CFAP53: variants seen among roughly 807,000 people sequenced by gnomAD.
The protein encoded by CFAP53 is cilia- and flagella-associated protein 53.
A neutral mutation model predicts 59.7 loss-of-function variants in CFAP53; 62 were observed. That is an observed-to-expected ratio of 1.04 (90% CI 0.85 to 1.28). The LOEUF (loss-of-function observed/expected upper bound fraction) is 1.28, where lower values mean the gene tolerates loss of function less well. Ranked by LOEUF, CFAP53 falls within the 50% of genes most tolerant of loss-of-function variation. CFAP53 has a pLI of 0.00. For missense variants in CFAP53, 629 were observed against 615.6 expected (o/e 1.02, Z -0.23); for synonymous variants, 218 against 205.7 (o/e 1.06, Z -0.51).
At chr18:50,258,694 A>C (rs189806375) in intron 3 of CFAP53, among the ~76,000 whole-genome samples, 1 of 152,376 alleles carries the variant, frequency 6.6e-6, no homozygotes, top group Admixed American at 6.5e-5. Flanking sequence ...AAATATTTGC[A>C]AACTATCCCT....
chr18:50,231,154 T>C (rs923282221), intron 7 of CFAP53, among the ~76,000 whole-genome samples: 1 of 152,228 alleles, frequency 6.6e-6, no homozygotes, highest in African/African-American at 2.4e-5. Flanking sequence ...AGCTCCCTGC[T>C]ACCTTGGTGT....
At chr18:50,264,987 G>A (rs2033925803) in intron 1 of CFAP53, among the ~76,000 whole-genome samples, 1 of 152,166 alleles carries the variant, frequency 6.6e-6, no homozygotes, top group Non-Finnish European at 1.5e-5. Context: ...AGAAGGAGCA[G>A]GTCTATAGGT....
rs986896529 is a variant in CFAP53, at chr18:50,251,560, C to T, written c.698G>A (p.Gly233Glu). Residue 233 changes from glycine to glutamate, a missense_variant, in exon 4 of 8, where the codon GGG becomes GAG. Gly to Glu is a moderately conservative substitution (Grantham distance 98). Coordinates refer to ENST00000398545, the MANE Select transcript of CFAP53 (RefSeq NM_145020.5). ...GATGCTGGTGATCTGGGCATTCAGC[C>T]CCAGGCGTGTGTTCTCCATCAGCTC... ...QKELMENTRL[G>E]LNAQITSIKA... 6.2e-7 allele frequency: 1 copy of T among 1,614,088 alleles called. No individual in the cohort carries two copies. The highest frequency in any genetic ancestry group is 2.2e-5 in the East Asian group (1 of 44,890).
chr18:50,228,529 G>A (rs1273219769), intron 7 of CFAP53, among the ~76,000 whole-genome samples: 1 of 152,028 alleles, frequency 6.6e-6, no homozygotes, highest in Non-Finnish European at 1.5e-5. Context: ...GGTGGCTCAT[G>A]CATGTAATCC....
At chr18:50,259,250 C>T (rs1291873041) in intron 3 of CFAP53, among the ~76,000 whole-genome samples, 1 of 152,114 alleles carries the variant, frequency 6.6e-6, no homozygotes, top group Non-Finnish European at 1.5e-5. Context: ...TACACATGCA[C>T]AATGGAGTAT....
chr18:50,258,560 A>T (rs2033864996), intron 3 of CFAP53, among the ~76,000 whole-genome samples: 1 of 152,214 alleles, frequency 6.6e-6, no homozygotes, highest in African/African-American at 2.4e-5. Flanking sequence ...TTTCTTGAGC[A>T]ATACCCTATA....
intron 6 of CFAP53, among the ~76,000 whole-genome samples, chr18:50,242,012 C>T (rs908640512): frequency 3.9e-5 from 6 of 152,154 alleles, no homozygotes; most frequent in African/African-American, 1.2e-4. Context: ...AGACCTACCC[C>T]CAGGAATGCA....
chr18:50,228,588 C>T (rs145066058), intron 7 of CFAP53, among the ~76,000 whole-genome samples: 12,395 of 151,646 alleles, frequency 0.082, 622 homozygotes, highest in Middle Eastern at 0.11. Flanking sequence ...GTCAGGAGTT[C>T]GAGACCAGCC....
At chr18:50,243,381 C>T (rs2033712312) in intron 5 of CFAP53, among the ~76,000 whole-genome samples, 1 of 152,108 alleles carries the variant, frequency 6.6e-6, no homozygotes, top group Admixed American at 6.6e-5. Flanking sequence ...TTGTGCAATT[C>T]TTTGTATTTG....
At position 50,235,315 on chromosome 18, in the gene CFAP53, C is replaced by T. The variant is rs1355791932; in HGVS notation, c.1316+3288G>A. Among the ~76,000 whole-genome samples the T allele has an allele frequency of 2.0e-5, 3 of 152,256 alleles. No individual in the cohort carries two copies. In the East Asian group the frequency reaches 5.8e-4, roughly 29 times the overall value. On this transcript the variant is annotated intron_variant, in intron 7 of 7. Coordinates refer to ENST00000398545, the MANE Select transcript of CFAP53 (RefSeq NM_145020.5). ...GTGCGGTGGCTCACACCTGTAATCC[C>T]AGCACTTTGGGAGGCTGAGGCAGGT...
At chr18:50,240,614 T>C (rs1207045893) in intron 6 of CFAP53, among the ~76,000 whole-genome samples, 1 of 152,224 alleles carries the variant, frequency 6.6e-6, no homozygotes, top group African/African-American at 2.4e-5. Context: ...TGCTGAGAGA[T>C]CATCTCTCTC....
chr18:50,264,157 C>T (rs529235776), intron 1 of CFAP53, among the ~76,000 whole-genome samples: 11 of 152,286 alleles, frequency 7.2e-5, no homozygotes, highest in African/African-American at 2.6e-4. Context: ...ACTCTAGGCA[C>T]ATTTCAAGTG....
chr18:50,260,233 T>C (rs2033878571), intron 3 of CFAP53, among the ~76,000 whole-genome samples: 1 of 151,748 alleles, frequency 6.6e-6, no homozygotes, highest in South Asian at 2.1e-4. Flanking sequence ...CCAGATTGAG[T>C]AGATTGAGTA....
At chr18:50,265,161 T>G (rs2033932154) in intron 1 of CFAP53, among the ~76,000 whole-genome samples, 2 of 152,186 alleles carry the variant, frequency 1.3e-5, no homozygotes. Context: ...GATTACAAGT[T>G]GAGCACCCCT....
chr18:50,253,827 G>A (rs2144426301), intron 3 of CFAP53, among the ~76,000 whole-genome samples: 1 of 152,158 alleles, frequency 6.6e-6, no homozygotes, highest in Admixed American at 6.5e-5. Flanking sequence ...GCCAGCAACT[G>A]ACAGAGGCAA....
intron 3 of CFAP53, among the ~76,000 whole-genome samples, chr18:50,259,075 T>A (rs1279877165): frequency 6.6e-6 from 1 of 152,184 alleles, no homozygotes. Context: ...AGAGCTACCA[T>A]AAGATCCAGC....
chr18:50,229,940 T>C (rs2033563655), intron 7 of CFAP53, among the ~76,000 whole-genome samples: 1 of 152,024 alleles, frequency 6.6e-6, no homozygotes, highest in Non-Finnish European at 1.5e-5. Context: ...TGTATTTTTT[T>C]AGAGACAGAG....
chr18:50,255,099 T>G (rs1278172038), intron 3 of CFAP53, among the ~76,000 whole-genome samples: 2 of 152,218 alleles, frequency 1.3e-5, no homozygotes, highest in Admixed American at 1.3e-4. Flanking sequence ...AATGGAATAC[T>G]ACTCAGCAAT....
chr18:50,239,866 A>G (rs1455082575), intron 6 of CFAP53, among the ~76,000 whole-genome samples: 1 of 152,208 alleles, frequency 6.6e-6, no homozygotes, highest in African/African-American at 2.4e-5. Context: ...TGGTAGAATT[A>G]TGGTTGATTT....
Sources: allele counts gnomAD v4.1 joint callset (sites outside exome capture counted in the v4.1 genomes callset), GRCh38; gene constraint gnomAD v4.1.1; transcripts MANE v1.5; gene names NCBI Gene and HGNC (gene_info 2026-07-23, HGNC 2026-07-21).